Variants in TENM4 observed in about 807,000 individuals in gnomAD.
The protein encoded by TENM4 is teneurin-4.
TENM4 carries 82 observed loss-of-function variants against 243.3 expected under a neutral mutation model. That is an observed-to-expected ratio of 0.34 (90% CI 0.28 to 0.40). The LOEUF is 0.40. Among genes scored for constraint, TENM4 ranks in the 10% least tolerant of loss-of-function variants. TENM4 has a pLI of 1.00. For missense variants in TENM4, 3,138 were observed against 3,673.3 expected (o/e 0.85, Z 3.77); for synonymous variants, 1,412 against 1,456.3 (o/e 0.97, Z 0.69).
chr11:79,268,391 A>G (rs146752391), intron 2 of TENM4, among the ~76,000 whole-genome samples: 7 of 152,348 alleles, frequency 4.6e-5, no homozygotes, highest in African/African-American at 1.7e-4. Context: ...AGTATAATAT[A>G]ATGAACCACA....
intron 19 of TENM4, among the ~76,000 whole-genome samples, chr11:78,744,226 C>T (rs1412297402): frequency 6.6e-6 from 1 of 152,212 alleles, no homozygotes; most frequent in Admixed American, 6.5e-5. Context: ...CTCCCAAGAC[C>T]ATCTTTCAAG....
chr11:78,968,174 A>C (rs1857474533), intron 6 of TENM4, among the ~76,000 whole-genome samples: 1 of 152,194 alleles, frequency 6.6e-6, no homozygotes, highest in African/African-American at 2.4e-5. Flanking sequence ...GGTGACACAC[A>C]TGCTCTCCCT....
chr11:78,667,715 A>C (rs1324986060), intron 32 of TENM4, among the ~76,000 whole-genome samples: 2 of 152,212 alleles, frequency 1.3e-5, no homozygotes, highest in African/African-American at 4.8e-5. Flanking sequence ...TCAATGCCTG[A>C]AACAGTGGCT....
chr11:78,706,898 A>T (rs1176840969), intron 27 of TENM4, among the ~76,000 whole-genome samples: 2 of 152,208 alleles, frequency 1.3e-5, no homozygotes, highest in African/African-American at 4.8e-5. Context: ...CAGCAAGGGT[A>T]AGCCTGCCAA....
At position 79,234,743 on chromosome 11, in the gene TENM4, G is replaced by A. The variant is rs535414405; in HGVS notation, c.-264-18834C>T. Among the ~76,000 whole-genome samples, 4 of 152,274 alleles carry A rather than the reference G, an allele frequency of 2.6e-5. No individual in the cohort carries two copies. In the East Asian group the frequency reaches 5.8e-4, roughly 22 times the overall value. ...CTGTAATTGTGCACATAATTGCTAC[G>A]TGGGAATGGAGGTGGGTTTATTTCC... is the stretch of plus-strand genomic sequence containing the variant. On this transcript the variant is annotated intron_variant, in intron 2 of 33. Coordinates refer to ENST00000278550, the MANE Select transcript of TENM4 (RefSeq NM_001098816.3).
At chr11:79,299,193 C>T (rs1024861028) in intron 1 of TENM4, among the ~76,000 whole-genome samples, 6 of 152,204 alleles carry the variant, frequency 3.9e-5, no homozygotes, top group Admixed American at 3.9e-4. Context: ...GCCCCTGCTA[C>T]ACTTTGGGGA....
At chr11:78,805,948 G>A (rs1857380163) in intron 14 of TENM4, among the ~76,000 whole-genome samples, 1 of 152,108 alleles carries the variant, frequency 6.6e-6, no homozygotes, top group African/African-American at 2.4e-5. Flanking sequence ...AATTCCATTA[G>A]ATTTTATCAT....
rs1208762181 is a variant in TENM4 at position 78,891,245 on chromosome 11, T to C, written c.841A>G (p.Ser281Gly). 1 of 1,551,662 alleles carries C rather than the reference T, an allele frequency of 6.4e-7. No individual in the cohort carries two copies. Among genetic ancestry groups the C allele is most frequent in the Non-Finnish European group, 8.7e-7 (1 of 1,147,006 alleles). The change falls in exon 8 of 34, where the codon AGT (serine) becomes GGT (glycine). Residue 281 changes from serine to glycine, a missense_variant. Physicochemically the swap from Ser to Gly is moderately conservative, Grantham distance 56 (BLOSUM62 0). Coordinates refer to ENST00000278550, the MANE Select transcript of TENM4 (RefSeq NM_001098816.3). ...AATGGGGATGTCACCTACCCGTCACTGTAAGCCCCATCATGGCGGGAGGCG... is the reference window on the plus strand; with the variant it reads ...AATGGGGATGTCACCTACCCGTCACCGTAAGCCCCATCATGGCGGGAGGCG... ...LGASRHDGAY[S>G]DGHFLFKPGG...
chr11:79,054,154 G>T (rs1859878090), intron 6 of TENM4, among the ~76,000 whole-genome samples: 2 of 152,100 alleles, frequency 1.3e-5, no homozygotes, highest in Admixed American at 1.3e-4. Context: ...ACAGCCCATA[G>T]TTACTCTACG....
At chr11:79,366,268 G>A (rs1319268992) in intron 1 of TENM4, among the ~76,000 whole-genome samples, 2 of 152,212 alleles carry the variant, frequency 1.3e-5, no homozygotes, top group African/African-American at 4.8e-5. Flanking sequence ...CTCTTCTCAG[G>A]AATGCCCTCT....
At chr11:79,040,675 GGAT>G (rs1222072386) in intron 6 of TENM4, among the ~76,000 whole-genome samples, 1 of 152,154 alleles carries the variant, frequency 6.6e-6, no homozygotes, top group African/African-American at 2.4e-5. Flanking sequence ...CAAAGAGGGA[GGAT>G]GATGCTGCTG....
chr11:78,846,225 A>G (rs1858389507), intron 12 of TENM4, among the ~76,000 whole-genome samples: 1 of 152,212 alleles, frequency 6.6e-6, no homozygotes, highest in Admixed American at 6.5e-5. Flanking sequence ...TTAGGCTTCT[A>G]CGTGTTTCTC....
At chr11:79,303,189 G>A (rs548599497) in intron 1 of TENM4, among the ~76,000 whole-genome samples, 2 of 152,306 alleles carry the variant, frequency 1.3e-5, no homozygotes, top group East Asian at 3.9e-4. Context: ...CTATATAGCT[G>A]AAGATTCCAG....
chr11:78,668,685 A>G (rs1399177848), intron 32 of TENM4, among the ~76,000 whole-genome samples: 2 of 152,226 alleles, frequency 1.3e-5, no homozygotes, highest in African/African-American at 4.8e-5. Flanking sequence ...CCCAGAGCTT[A>G]TCATACACTG....
At position 78,931,998 on chromosome 11, in the gene TENM4, A is replaced by T. The variant is rs370548128; in HGVS notation, c.494-28475T>A. On this transcript the variant is annotated intron_variant, in intron 6 of 33. Transcript: ENST00000278550. ...ACAGAGCAAAGCTTCATCTCTAACA[A>T]CAACAAAAAAAGGTAGTAATGGCTA... Among the ~76,000 whole-genome samples the T allele has an allele frequency of 3.7e-4, 56 of 152,318 alleles. 1 individual carries two copies. The East Asian group carries it at 6.4e-3, about 17-fold the overall frequency.
intron 2 of TENM4, among the ~76,000 whole-genome samples, chr11:79,255,567 A>G (rs1457728357): frequency 6.6e-6 from 1 of 152,238 alleles, no homozygotes; most frequent in Non-Finnish European, 1.5e-5. Flanking sequence ...AAAATTAATT[A>G]AAAATGACGG....
chr11:78,862,056 A>C (rs1301288718), intron 10 of TENM4, among the ~76,000 whole-genome samples: 1 of 152,142 alleles, frequency 6.6e-6, no homozygotes, highest in Admixed American at 6.5e-5. Context: ...TGGATATCCC[A>C]CTCAGGAATA....
intron 6 of TENM4, among the ~76,000 whole-genome samples, chr11:78,917,215 C>A (rs536801367): frequency 1.1e-4 from 17 of 152,326 alleles, no homozygotes; most frequent in Admixed American, 7.8e-4. Context: ...ACAGCTTGCC[C>A]AGGTGGCAGA....
At chr11:79,407,294 C>G (rs1858593760) in intron 1 of TENM4, among the ~76,000 whole-genome samples, 1 of 152,134 alleles carries the variant, frequency 6.6e-6, no homozygotes, top group African/African-American at 2.4e-5. Context: ...AAAACTGATG[C>G]TGGACGTCTT....
Sources: gnomAD v4.1 joint callset for allele counts (sites outside exome capture counted in the v4.1 genomes callset) on GRCh38, gnomAD v4.1.1 for gene constraint, MANE v1.5 for transcripts, NCBI Gene and HGNC (gene_info 2026-07-23, HGNC 2026-07-21) for gene names.